Variants in ZFHX3 observed in about 807,000 individuals in gnomAD.
ZFHX3 encodes the protein zinc finger homeobox protein 3.
In ZFHX3, 42 loss-of-function variants were observed where a neutral mutation model predicts 279.1. That is an observed-to-expected ratio of 0.15 (90% confidence interval 0.12 to 0.19). The LOEUF (loss-of-function observed/expected upper bound fraction) is 0.19. ZFHX3 is among the 10% of genes least tolerant of loss of function. ZFHX3 has a pLI of 1.00. For synonymous variants in ZFHX3, 2,293 were observed against 1,957.8 expected (o/e 1.17, Z -4.52); for missense variants, 4,981 against 4,754.0 (o/e 1.05, Z -1.40).
intron 6 of ZFHX3, among the ~76,000 whole-genome samples, chr16:73,132,839 G>C (rs1429080637): frequency 6.6e-6 from 1 of 152,202 alleles, no homozygotes; most frequent in Admixed American, 6.5e-5. Context: ...CAATCAGGAG[G>C]AGAGGGAAGA....
chr16:73,612,157 A>T (rs1714542088), intron 2 of ZFHX3, among the ~76,000 whole-genome samples: 1 of 152,188 alleles, frequency 6.6e-6, no homozygotes, highest in Non-Finnish European at 1.5e-5. Flanking sequence ...TACATAAAAA[A>T]GTTATTTGGG....
intron 5 of ZFHX3, among the ~76,000 whole-genome samples, chr16:73,254,810 GAC>G (rs1487691459): frequency 6.6e-6 from 1 of 152,070 alleles, no homozygotes; most frequent in African/African-American, 2.4e-5. Context: ...AGGTTTGTAA[GAC>G]ACATAAATAA....
chr16:73,511,823 C>T (rs1272815113), intron 2 of ZFHX3, among the ~76,000 whole-genome samples: 1 of 152,170 alleles, frequency 6.6e-6, no homozygotes, highest in Non-Finnish European at 1.5e-5. Context: ...ACTTTGAAAC[C>T]TGAAATTCAA....
intron 2 of ZFHX3, among the ~76,000 whole-genome samples, chr16:73,646,601 A>C (rs2052620341): frequency 6.6e-6 from 1 of 152,184 alleles, no homozygotes; most frequent in Non-Finnish European, 1.5e-5. Context: ...AATATTAGGA[A>C]ATAGAAAAGG....
chr16:72,902,671 T>C (rs4788481), intron 3 of ZFHX3, among the ~76,000 whole-genome samples: 1 of 152,036 alleles, frequency 6.6e-6, no homozygotes, highest in Non-Finnish European at 1.5e-5. Context: ...CCAATGGGCC[T>C]GAGCGCAAAG....
intron 3 of ZFHX3, among the ~76,000 whole-genome samples, chr16:72,936,693 A>G (rs1960143159): frequency 6.6e-6 from 1 of 152,202 alleles, no homozygotes; most frequent in Non-Finnish European, 1.5e-5. Context: ...TGAGGTCAGC[A>G]TGGTGGGAGG....
intron 1 of ZFHX3, among the ~76,000 whole-genome samples, chr16:73,710,445 G>A (rs569227781): frequency 6.6e-5 from 10 of 152,122 alleles, no homozygotes; most frequent in Admixed American, 2.0e-4. Flanking sequence ...CTATTCTTTC[G>A]CACCCGTAAC....
At chr16:73,181,858 T>G (rs1246136223) in intron 5 of ZFHX3, among the ~76,000 whole-genome samples, 1 of 152,160 alleles carries the variant, frequency 6.6e-6, no homozygotes, top group Non-Finnish European at 1.5e-5. Context: ...GCAGCTGATG[T>G]TCTACCTGCC....
intron 9 of ZFHX3, among the ~76,000 whole-genome samples, chr16:72,792,485 C>T (rs1406868618): frequency 1.3e-5 from 2 of 151,792 alleles, no homozygotes; most frequent in Non-Finnish European, 2.9e-5. Flanking sequence ...TTGAGACAGT[C>T]TCGCTGTGTC....
chr16:73,717,706 C>G (rs891715230), intron 1 of ZFHX3, among the ~76,000 whole-genome samples: 6 of 152,192 alleles, frequency 3.9e-5, no homozygotes, highest in African/African-American at 1.4e-4. Context: ...CTAAACGCAG[C>G]CTTGTTTGAG....
chr16:73,037,328 G>A (rs545408926), intron 1 of ZFHX3, among the ~76,000 whole-genome samples: 1 of 152,244 alleles, frequency 6.6e-6, no homozygotes, highest in African/African-American at 2.4e-5. Context: ...TAAGAAAAGC[G>A]GTTTTTAGGG....
chr16:72,956,767 T>TA (rs1397472218), intron 2 of ZFHX3, among the ~76,000 whole-genome samples: 2 of 11,648 alleles, frequency 1.7e-4, no homozygotes, highest in South Asian at 1.3e-3. Context: ...ACAGTGCCAC[T>TA]GGGGAATTTA....
At position 73,656,281 on chromosome 16, in the gene ZFHX3, C is replaced by T. The variant is rs189346179; in HGVS notation, c.-1547+23899G>A. ...GGCCCTTAACAGAGTCAGATGTCAA[C>T]TCCTAACTTAAATGAATCTTGCAAG... On this transcript the variant is annotated intron_variant, in intron 2 of 17. Transcript: ENST00000641206. 2.6e-5 allele frequency among the ~76,000 whole-genome samples: 4 copies of T among 152,328 alleles called. No homozygotes were observed. In the East Asian group the frequency reaches 5.8e-4, roughly 22 times the overall value.
intron 4 of ZFHX3, among the ~76,000 whole-genome samples, chr16:72,882,778 T>C (rs2038514683): frequency 6.6e-6 from 1 of 152,206 alleles, no homozygotes; most frequent in Admixed American, 6.5e-5. Context: ...ACAAGGCTCC[T>C]AGATAATGGC....
chr16:73,834,890 A>C (rs1018149480), intron 1 of ZFHX3, among the ~76,000 whole-genome samples: 1 of 140,384 alleles, frequency 7.1e-6, no homozygotes, highest in South Asian at 2.4e-4. Context: ...CTTCGTCTCA[A>C]AAAAAAAAGA....
At chr16:73,278,353 G>A (rs571779068) in intron 4 of ZFHX3, among the ~76,000 whole-genome samples, 1 of 152,168 alleles carries the variant, frequency 6.6e-6, no homozygotes, top group Non-Finnish European at 1.5e-5. Context: ...AAAGTGTAAC[G>A]ATGGAGGAAG....
chr16:73,724,744 G>A (rs2053504144), intron 1 of ZFHX3, among the ~76,000 whole-genome samples: 1 of 152,134 alleles, frequency 6.6e-6, no homozygotes, highest in African/African-American at 2.4e-5. Context: ...CAAAGTTCTA[G>A]CAGTCTTTCA....
At chr16:73,515,031 G>T (rs2019495884) in intron 2 of ZFHX3, among the ~76,000 whole-genome samples, 1 of 152,082 alleles carries the variant, frequency 6.6e-6, no homozygotes, top group East Asian at 1.9e-4. Context: ...GAGAAATAAA[G>T]AAATAAAAAG....
intron 2 of ZFHX3, among the ~76,000 whole-genome samples, chr16:73,514,339 T>G (rs2019484602): frequency 6.6e-6 from 1 of 152,346 alleles, no homozygotes; most frequent in African/African-American, 2.4e-5. Flanking sequence ...CTATTATTAA[T>G]GCTGCTGCTG....
Sources: gnomAD v4.1 joint callset for allele counts (sites outside exome capture counted in the v4.1 genomes callset) on GRCh38, gnomAD v4.1.1 for gene constraint, MANE v1.5 for transcripts, NCBI Gene and HGNC (gene_info 2026-07-23, HGNC 2026-07-21) for gene names.